Variants in ABCD3 observed in about 807,000 individuals in gnomAD.
ABCD3 encodes ATP-binding cassette sub-family D member 3.
ABCD3 carries 41 observed loss-of-function variants against 105.5 expected under a neutral mutation model. The ratio of observed to expected loss-of-function variants is 0.39; its 90% CI spans 0.30 to 0.50. The LOEUF (loss-of-function observed/expected upper bound fraction) is 0.50. ABCD3 is among the 20% of genes least tolerant of loss of function. ABCD3 has a pLI of 0.84. For synonymous variants in ABCD3, 258 were observed against 269.0 expected, an observed-to-expected ratio of 0.96 and a Z score of 0.40; for missense variants, 622 against 806.3, an observed-to-expected ratio of 0.77 and a Z score of 2.77.
Position 94,489,970 on chromosome 1 carries a change from T to C in ABCD3, c.1317T>C (p.Ile439=). Residue 439 remains isoleucine, a synonymous_variant, in exon 15 of 23, where the codon ATT becomes ATC. Transcript: ENST00000370214. The part of the protein sequence containing the change: ...GAGEIIIADN[I]IKFDHVPLAT... ...GAGAAATCATTATTGCAGATAACATTATAAAGTACGTACAGAAAAAGGTCT... is the reference window on the plus strand; with the variant it reads ...GAGAAATCATTATTGCAGATAACATCATAAAGTACGTACAGAAAAAGGTCT... 1 of 1,612,770 alleles carries C rather than the reference T, an allele frequency of 6.2e-7. No homozygotes were observed.
chr1:94,438,071 G>A (rs1046617710), intron 1 of ABCD3, among the ~76,000 whole-genome samples: 7 of 151,884 alleles, frequency 4.6e-5, no homozygotes, highest in Middle Eastern at 3.2e-3. Flanking sequence ...GGCAGATCAC[G>A]AGGTCAGGAG....
At chr1:94,494,323 G>GT (rs1649693565) in intron 16 of ABCD3, among the ~76,000 whole-genome samples, 1 of 152,054 alleles carries the variant, frequency 6.6e-6, no homozygotes, top group Non-Finnish European at 1.5e-5. Context: ...ACTTCCTGGT[G>GT]TTTATCCTGT....
At chr1:94,386,999 A>G in the ABCD3 span, among the ~76,000 whole-genome samples, 1 of 152,240 alleles carries the variant, frequency 6.6e-6, no homozygotes, top group South Asian at 2.1e-4. Context: ...AAGAAGTTTA[A>G]CTATCTCCTT....
chr1:94,416,805 T>C (rs1383485775), upstream of ABCD3, among the ~76,000 whole-genome samples: 3 of 152,334 alleles, frequency 2.0e-5, no homozygotes, highest in East Asian at 3.9e-4. Context: ...CTGTAGGCTG[T>C]TAAGAGCTCC....
chr1:94,465,141 C>T (rs1201248714), intron 3 of ABCD3, among the ~76,000 whole-genome samples: 1 of 152,104 alleles, frequency 6.6e-6, no homozygotes, highest in Non-Finnish European at 1.5e-5. Context: ...CAACCAGATA[C>T]ATGAGAACTC....
chr1:94,439,517 A>C (rs1299376888), intron 1 of ABCD3, among the ~76,000 whole-genome samples: 1 of 152,060 alleles, frequency 6.6e-6, no homozygotes, highest in African/African-American at 2.4e-5. Flanking sequence ...TGGCATGTGC[A>C]TGTGGTCCCA....
At chr1:94,403,527 T>C in the ABCD3 span, among the ~76,000 whole-genome samples, 2 of 152,192 alleles carry the variant, frequency 1.3e-5, no homozygotes, top group Non-Finnish European at 2.9e-5. Context: ...ATAATAATTT[T>C]CCAGCTTGCA....
chr1:94,395,237 T>C, the ABCD3 span, among the ~76,000 whole-genome samples: 1 of 152,330 alleles, frequency 6.6e-6, no homozygotes, highest in African/African-American at 2.4e-5. Flanking sequence ...TTAATTGCTT[T>C]ATCAGTCAGG....
the ABCD3 span, among the ~76,000 whole-genome samples, chr1:94,407,850 C>A: frequency 2.6e-5 from 4 of 152,120 alleles, no homozygotes; most frequent in African/African-American, 9.7e-5. Flanking sequence ...CAACAACAAA[C>A]AAAAAATAAT....
At chr1:94,442,466 T>C (rs1280595137) in intron 1 of ABCD3, among the ~76,000 whole-genome samples, 2 of 152,198 alleles carry the variant, frequency 1.3e-5, no homozygotes, top group East Asian at 1.9e-4. Flanking sequence ...AAATAGTCTT[T>C]ACATTAAAAA....
intron 1 of ABCD3, 32 bp downstream of exon 1, chr1:94,418,620 G>C: frequency 1.9e-6 from 3 of 1,555,098 alleles, no homozygotes; most frequent in Non-Finnish European, 2.6e-6. Flanking sequence ...CAGCTTTCCC[G>C]GGCTGGAGCG....
chr1:94,390,468 A>G, the ABCD3 span, among the ~76,000 whole-genome samples: 1 of 151,810 alleles, frequency 6.6e-6, no homozygotes, highest in African/African-American at 2.4e-5. Context: ...AAGCCCAGCT[A>G]ATTTTTGTAT....
At position 94,478,577 on chromosome 1, in the gene ABCD3, G is replaced by A. The variant is rs185289896; in HGVS notation, c.684+262G>A. 502 of 1,574,082 alleles carry A rather than the reference G, an allele frequency of 3.2e-4. 2 individuals are homozygous for A. In the African/African-American group the frequency reaches 6.0e-3, roughly 19 times the overall value. On this transcript the variant is annotated intron_variant, in intron 8 of 22. Coordinates refer to ENST00000370214, the MANE Select transcript of ABCD3 (RefSeq NM_002858.4). ...AACCAGACAAATGTATTGGCCAGGCGTGGTGGCTCATGCCTGTAATCCCAG... is the reference window on the plus strand; with the variant it reads ...AACCAGACAAATGTATTGGCCAGGCATGGTGGCTCATGCCTGTAATCCCAG...
intron 3 of ABCD3, among the ~76,000 whole-genome samples, chr1:94,467,050 T>G (rs548779087): frequency 3.0e-4 from 45 of 152,346 alleles, no homozygotes; most frequent in African/African-American, 1.1e-3. Flanking sequence ...ATCTTGACTT[T>G]CCCTGCTTCG....
chr1:94,482,528 T>G (rs1189114150), intron 9 of ABCD3: 1 of 152,370 alleles, frequency 6.6e-6, no homozygotes, highest in Non-Finnish European at 1.5e-5. Context: ...TCTGCAACCT[T>G]TACAAATTTA....
Position 94,418,556 on chromosome 1 carries a change from C to T in ABCD3, c.78C>T (p.Leu26=). 6.2e-7 allele frequency: 1 copy of T among 1,603,402 alleles called. No homozygotes were observed. The highest frequency in any genetic ancestry group is 8.5e-7 in the Non-Finnish European group (1 of 1,178,800). The change falls in exon 1 of 23, where the codon CTC becomes CTT. Residue 26 remains leucine (L), a synonymous_variant. Coordinates refer to ENST00000370214, the MANE Select transcript of ABCD3 (RefSeq NM_002858.4). ...CCGCGTTCCTGCTGCTCTGCCTGCTCCACAAGCGGCGCCGCGCCCTCGGCC... is the reference window on the plus strand; with the variant it reads ...CCGCGTTCCTGCTGCTCTGCCTGCTTCACAAGCGGCGCCGCGCCCTCGGCC... The part of the protein sequence containing the change: ...AGAAFLLLCL[L]HKRRRALGLH...
chr1:94,438,282 T>TCACACACACACA (rs143373197), intron 1 of ABCD3, among the ~76,000 whole-genome samples: 13 of 116,512 alleles, frequency 1.1e-4, no homozygotes, highest in East Asian at 5.6e-4. Context: ...CAAGACTCCA[T>TCACACACACACA]CACACACACA....
upstream of ABCD3, among the ~76,000 whole-genome samples, chr1:94,417,254 T>C (rs533332891): frequency 6.6e-6 from 1 of 152,330 alleles, no homozygotes; most frequent in South Asian, 2.1e-4. Context: ...ATGCCATTAT[T>C]GTACCTCGTC....
At chr1:94,435,279 C>T (rs952509048) in intron 1 of ABCD3, among the ~76,000 whole-genome samples, 6 of 152,262 alleles carry the variant, frequency 3.9e-5, no homozygotes, top group African/African-American at 1.2e-4. Flanking sequence ...GTGGTTCTCA[C>T]CTGTAATCCC....
Sources: gnomAD v4.1 joint callset for allele counts (sites outside exome capture counted in the v4.1 genomes callset) on GRCh38, gnomAD v4.1.1 for gene constraint, MANE v1.5 for transcripts, NCBI Gene and HGNC (gene_info 2026-07-23, HGNC 2026-07-21) for gene names.